Variants in BAG6 observed in about 807,000 individuals in gnomAD.
The protein encoded by BAG6 is BAG cochaperone 6.
A neutral mutation model predicts 121.0 loss-of-function variants in BAG6; 22 were observed. That is an observed-to-expected ratio of 0.18 (90% CI 0.13 to 0.26). The LOEUF (loss-of-function observed/expected upper bound fraction) is 0.26, where lower values mean the gene tolerates loss of function less well. Among genes scored for constraint, BAG6 ranks in the 10% least tolerant of loss-of-function variants. BAG6 has a pLI of 1.00. For synonymous variants in BAG6, 583 were observed against 584.6 expected (o/e 1.00, Z 0.04); for missense variants, 1,233 against 1,537.7 (o/e 0.80, Z 3.31).
At chr6:31,651,797 G>A in intron 1 of BAG6, 21 bp from the exon 2 acceptor site, 2 of 1,594,964 alleles carry the variant, frequency 1.3e-6, no homozygotes, top group Non-Finnish European at 1.7e-6. Context: ...ACGAAGGAAG[G>A]AAGGCCCGCT....
chr6:31,648,692 T>A lies in BAG6; in HGVS notation c.537A>T (p.Leu179Phe). 6.2e-7 allele frequency: 1 copy of A among 1,613,874 alleles called. No homozygotes were observed. The change falls in exon 6 of 26, where the codon TTA becomes TTT. Residue 179 changes from leucine to phenylalanine, a missense_variant. This residue lies in a region of BAG6 where 777 missense variants were observed against 861.4 expected (regional missense o/e 0.90). Coordinates refer to ENST00000676615, the MANE Select transcript of BAG6 (RefSeq NM_001387994.1). ...AQHMIRDIQT[L>F]LSRMECRGGP... Reference sequence around the variant, plus strand: ...GCCCACTTACCTCCATCCGGGATAGTAAGGTCTGTATATCCCTGATCATGT... The same window carrying A: ...GCCCACTTACCTCCATCCGGGATAGAAAGGTCTGTATATCCCTGATCATGT...
Position 31,645,440 on chromosome 6 carries a change from G to T in BAG6, c.1083C>A (p.Pro361=). The T allele has an allele frequency of 1.9e-6, 3 of 1,613,058 alleles. No homozygotes were observed. Among genetic ancestry groups the T allele is most frequent in the Non-Finnish European group, 2.5e-6 (3 of 1,180,014 alleles). ...VVRPMSHYTT[P]MVLQQAAIPI... The stretch of plus-strand genomic sequence containing the variant: ...GAATGGCTGCCTGCTGGAGCACCAT[G>T]GGGGTGGTGTAGTGAGACATAGGCC... The change falls in exon 9 of 26, where the codon CCC becomes CCA. Residue 361 remains proline, a synonymous_variant. Coordinates refer to ENST00000676615, the MANE Select transcript of BAG6 (RefSeq NM_001387994.1).
rs1314396813 is a variant in BAG6, at chr6:31,640,302, C to T, written c.3143G>A (p.Trp1048Ter). The T allele has an allele frequency of 1.2e-6, 2 of 1,614,108 alleles. No individual in the cohort carries two copies. ...AATGTCCTGCTGGATAATAGGGACCCATTCCTGGGGAGGAAAAGAGAAAAT... is the reference window on the plus strand; with the variant it reads ...AATGTCCTGCTGGATAATAGGGACCTATTCCTGGGGAGGAAAAGAGAAAAT... ...EPWAAAVPPE[W>*]VPIIQQDIQS... is the part of the protein sequence containing the mutation. Residue 1048 changes from tryptophan (W) to a stop codon, truncating the protein, a stop_gained, in exon 24 of 26, where the codon TGG becomes TAG. Coordinates refer to ENST00000676615, the MANE Select transcript of BAG6 (RefSeq NM_001387994.1). LOFTEE classifies it high-confidence loss of function. This position sits in a 1 kb window ranked among gnomAD's most constrained non-coding sequence, Gnocchi z 4.2.
At chr6:31,652,329 A>C (rs1798006788) in intron 1 of BAG6, 95 bp downstream of exon 1, 2 of 140,182 alleles carry the variant, frequency 1.4e-5, no homozygotes, top group African/African-American at 6.0e-5. Flanking sequence ...AAACACACAC[A>C]CACACACACA....
rs1345218709 is a variant in BAG6, at chr6:31,639,556, C to T, written c.3337G>A (p.Glu1113Lys). Residue 1113 changes from glutamate (E) to lysine (K), a missense_variant, in exon 25 of 26, where the codon GAG becomes AAG. Glu to Lys is a moderately conservative substitution (Grantham distance 56). Around this residue, in one of 7 missense-constraint regions of BAG6, gnomAD observed 102 missense variants for 103.2 expected, o/e 0.99. Coordinates refer to ENST00000676615, the MANE Select transcript of BAG6 (RefSeq NM_001387994.1). ...GCCTCCAGGTCCCGGCTCAGGCTCT[C>T]GGGGCTCGTCAGGGGCCGAGCTCCG... Reference protein sequence around the residue: ...AAGARPLTSPESLSRDLEAPE... With the variant: ...AAGARPLTSPKSLSRDLEAPE... 4 of 1,614,078 alleles carry T rather than the reference C, an allele frequency of 2.5e-6. No individual in the cohort carries two copies. Among genetic ancestry groups the T allele is most frequent in the African/African-American group, 1.3e-5 (1 of 74,932 alleles).
intron 8 of BAG6, among the ~76,000 whole-genome samples, 200 bp from the exon 9 acceptor site, chr6:31,645,804 TA>T (rs1788477800): frequency 6.6e-6 from 1 of 152,234 alleles, no homozygotes; most frequent in Admixed American, 6.5e-5. Flanking sequence ...AAAACACTAC[TA>T]TGAATCAGTA....
chr6:31,640,662 C>G lies in BAG6; in HGVS notation c.2977G>C (p.Ala993Pro). 1 of 1,613,024 alleles carries G rather than the reference C, an allele frequency of 6.2e-7. No individual in the cohort carries two copies. The highest frequency in any genetic ancestry group is 1.1e-5 in the South Asian group (1 of 91,084). The part of the protein sequence containing the change: ...EPMEVQGAER[A>P]SPEPQRENAS... ...TAGAGTACCTGAGGCTCAGGGGAAG[C>G]TCTTTCTGCTCCCTGAACTTCCATT... Residue 993 changes from alanine to proline, a missense_variant, in exon 22 of 26, where the codon GCT becomes CCT. Physicochemically the swap from Ala to Pro is conservative, Grantham distance 27. Coordinates refer to ENST00000676615, the MANE Select transcript of BAG6 (RefSeq NM_001387994.1). The surrounding 1 kb of genome is among the most constrained non-coding windows in gnomAD (Gnocchi z 4.2).
rs1787701805 is a variant in BAG6 at position 31,645,182 on chromosome 6, G to C, written c.1133C>G (p.Thr378Ser). 1 of 1,611,620 alleles carries C rather than the reference G, an allele frequency of 6.2e-7. No individual in the cohort carries two copies. The highest frequency in any genetic ancestry group is 8.5e-7 in the Non-Finnish European group (1 of 1,179,242). ...AIPIQINVGT[T>S]VTMTGNGTRP... ...AGTCCCATTTCCTGTCATGGTCACA[G>C]TGGTTCCCACATTGATCTGAAAAAG... Residue 378 changes from threonine (T) to serine (S), a missense_variant, in exon 10 of 26, where the codon ACT becomes AGT. By Grantham distance (58) the Thr-to-Ser change is moderately conservative. This residue lies in a region of BAG6 where 777 missense variants were observed against 861.4 expected (regional missense o/e 0.90). Transcript: ENST00000676615.
chr6:31,641,030 G>C lies in BAG6; in HGVS notation c.2787+74C>G, dbSNP rs772394166. 8.8e-6 allele frequency: 14 copies of C among 1,597,954 alleles called. No homozygotes were observed. Among genetic ancestry groups the C allele is most frequent in the Non-Finnish European group, 1.2e-5 (14 of 1,172,268 alleles). On this transcript the variant is annotated intron_variant, in intron 20 of 25. Transcript: ENST00000676615. The surrounding 1 kb of genome is among the most constrained non-coding windows in gnomAD (Gnocchi z 5.7). ...GGTTACAGAATGTCAGTTTAGAAAA[G>C]AAAAATGAAAACTGCAGAGAATGGA...
chr6:31,649,279 G>C lies in BAG6; in HGVS notation c.343C>G (p.Pro115Ala), dbSNP rs762152993. The C allele has an allele frequency of 1.9e-6, 3 of 1,613,138 alleles. No individual in the cohort carries two copies. Among genetic ancestry groups the C allele is most frequent in the Non-Finnish European group, 1.7e-6 (2 of 1,180,024 alleles). ...ASATHGGGSP[P>A]GTRGPGASVH... ...GAGGCCCCAGGCCCCCGAGTACCAG[G>C]GGGGGATCCCCCACCATGAGTGGCT... Residue 115 changes from proline (P) to alanine (A), a missense_variant, in exon 4 of 26, where the codon CCT becomes GCT. Pro to Ala is a conservative substitution (Grantham distance 27, BLOSUM62 -1). Transcript: ENST00000676615.
intron 6 of BAG6, 40 bp downstream of exon 6, chr6:31,648,637 G>A: frequency 6.3e-7 from 1 of 1,596,830 alleles, no homozygotes; most frequent in Non-Finnish European, 8.6e-7. Flanking sequence ...AAAGGGAGAG[G>A]GAGGGTGGAG....
rs947211290 is a variant in BAG6, at chr6:31,639,737, ACT to A, written c.3247-93_3247-92del. 15 of 1,430,838 alleles carry A rather than the reference ACT, an allele frequency of 1.0e-5. No homozygotes were observed. The African/African-American group carries it at 1.7e-4, about 16-fold the overall frequency. The allele number at this position is 1,430,838 out of a possible 1,614,324, so 88.6% of individuals were successfully genotyped here. ...ACCCTTTCCATGAGTCAACCACTCC[ACT>A]GAGTCTCCATGCTAGTGGAGAGAGG... is the stretch of plus-strand genomic sequence containing the variant. On this transcript the variant is annotated intron_variant, in intron 24 of 25. Coordinates refer to ENST00000676615, the MANE Select transcript of BAG6 (RefSeq NM_001387994.1).
Position 31,648,381 on chromosome 6 carries a change from C to A in BAG6, c.552+296G>T, listed in dbSNP as rs576514088. Among the ~76,000 whole-genome samples the A allele has an allele frequency of 3.5e-3, 487 of 139,106 alleles. 3 individuals are homozygous for A. Among genetic ancestry groups the A allele is most frequent in the African/African-American group, 0.012 (408 of 33,358 alleles). The allele number at this position is 139,106 out of a possible 152,430, so 91.3% of individuals were successfully genotyped here. On this transcript the variant is annotated intron_variant, in intron 6 of 25. Coordinates refer to ENST00000676615, the MANE Select transcript of BAG6 (RefSeq NM_001387994.1). ...GTAGAGATTGTGGTTTCCTTTCCTCCACAAGTTGGTTTCCCAGCCTCCACA... is the reference window on the plus strand; with the variant it reads ...GTAGAGATTGTGGTTTCCTTTCCTCAACAAGTTGGTTTCCCAGCCTCCACA...
rs1167414325 is a variant in BAG6, at chr6:31,641,015, T to G, written c.2788-77A>C. On this transcript the variant is annotated intron_variant, in intron 20 of 25. Coordinates refer to ENST00000676615, the MANE Select transcript of BAG6 (RefSeq NM_001387994.1). The surrounding 1 kb of genome is among the most constrained non-coding windows in gnomAD (Gnocchi z 5.7). ...AATAGATTAGATCCAGGTTACAGAA[T>G]GTCAGTTTAGAAAAGAAAAATGAAA... 5 of 1,598,540 alleles carry G rather than the reference T, an allele frequency of 3.1e-6. No homozygotes were observed. The highest frequency in any genetic ancestry group is 4.3e-6 in the Non-Finnish European group (5 of 1,172,366).
chr6:31,647,682 C>T lies in BAG6; in HGVS notation c.697G>A (p.Val233Met). Residue 233 changes from valine to methionine, a missense_variant, in exon 7 of 26, where the codon GTG (valine) becomes ATG (methionine). Val to Met is a conservative substitution (Grantham distance 21). Coordinates refer to ENST00000676615, the MANE Select transcript of BAG6 (RefSeq NM_001387994.1). ...PPREPMEAEE[V>M]EERAPAQNPE... ...TTCTGGGCTGGGGCACGCTCCTCCA[C>T]TTCTTCTGCCTCCATGGGCTCCCGG... 1 of 1,604,640 alleles carries T rather than the reference C, an allele frequency of 6.2e-7. No individual in the cohort carries two copies. Among genetic ancestry groups the T allele is most frequent in the South Asian group, 1.1e-5 (1 of 89,816 alleles).
At position 31,642,969 on chromosome 6, in the gene BAG6, G is replaced by A; in HGVS notation, c.1903C>T (p.Leu635Phe). 4.4e-6 allele frequency: 7 copies of A among 1,602,860 alleles called. No homozygotes were observed. The highest frequency in any genetic ancestry group is 6.0e-6 in the Non-Finnish European group (7 of 1,175,242). Residue 635 changes from leucine to phenylalanine, a missense_variant, in exon 15 of 26, where the codon CTT (leucine) becomes TTT (phenylalanine). Leu to Phe is a conservative substitution (Grantham distance 22). This residue lies in a region of BAG6 where 777 missense variants were observed against 861.4 expected (regional missense o/e 0.90). Transcript: ENST00000676615. ...PPTPQPSMAD[L>F]QFSQLLGNLL... Reference sequence around the variant, plus strand: ...TTCCCCAGAAGCTGAGAGAACTGAAGATCAGCCATGGAGGGTTGAGGGGTG... The same window carrying A: ...TTCCCCAGAAGCTGAGAGAACTGAAAATCAGCCATGGAGGGTTGAGGGGTG...
chr6:31,639,620 C>G lies in BAG6; in HGVS notation c.3273G>C (p.Leu1091=). ...CCCGGCTCACAGCCTCTGAGAGAAG[C>G]AGCTGGGGGCCCTCACCCTGCATCG... ...RKTMQGEGPQ[L]LLSEAVSRAA... The change falls in exon 25 of 26, where the codon CTG becomes CTC. Residue 1091 remains leucine (L), a synonymous_variant. Transcript: ENST00000676615. 6.2e-7 allele frequency: 1 copy of G among 1,613,084 alleles called. No homozygotes were observed. The highest frequency in any genetic ancestry group is 2.2e-5 in the East Asian group (1 of 44,860).
At chr6:31,648,101 C>T (rs1249626308) in intron 6 of BAG6, among the ~76,000 whole-genome samples, 3 of 151,764 alleles carry the variant, frequency 2.0e-5, no homozygotes, top group Non-Finnish European at 4.4e-5. Flanking sequence ...CTGTAACCTC[C>T]GCCTCCCAGG....
At position 31,643,965 on chromosome 6, in the gene BAG6, G is replaced by A. The variant is rs1700966066; in HGVS notation, c.1681C>T (p.Leu561=). The change falls in exon 14 of 26, where the codon CTG becomes TTG. Residue 561 remains leucine, a synonymous_variant. Coordinates refer to ENST00000676615, the MANE Select transcript of BAG6 (RefSeq NM_001387994.1). ...TGGGCCAACGAGGCATTGGTACCCAGACCGGCGCCCTGCTGGATAGAGAGC... is the reference window on the plus strand; with the variant it reads ...TGGGCCAACGAGGCATTGGTACCCAAACCGGCGCCCTGCTGGATAGAGAGC... ...PVSGTLQGAG[L]GTNASLAQMV... 2 of 1,613,958 alleles carry A rather than the reference G, an allele frequency of 1.2e-6. No homozygotes were observed. Among genetic ancestry groups the A allele is most frequent in the South Asian group, 1.1e-5 (1 of 91,086 alleles).
Sources: gnomAD v4.1 joint callset for allele counts (sites outside exome capture counted in the v4.1 genomes callset) on GRCh38, gnomAD v4.1.1 for gene constraint, gnomAD v4.1.1 regional missense constraint, Gnocchi (gnomAD v3.1) non-coding constraint, MANE v1.5 for transcripts, NCBI Gene and HGNC (gene_info 2026-07-23, HGNC 2026-07-21) for gene names.